The following NNT variants were observed in gnomAD, a reference collection of about 807,000 sequenced individuals.
NNT encodes nicotinamide nucleotide transhydrogenase.
A neutral mutation model predicts 104.8 loss-of-function variants in NNT; 50 were observed. The ratio of observed to expected loss-of-function variants is 0.48; its 90% CI spans 0.38 to 0.60. The LOEUF (loss-of-function observed/expected upper bound fraction) is 0.60. NNT is among the 20% of genes least tolerant of loss of function. The probability of loss-of-function intolerance (pLI) is 0.00; values close to 1 mark genes in which losing one functional copy is unlikely to be tolerated. For synonymous variants in NNT, 461 were observed against 490.4 expected (o/e 0.94, Z 0.79); for missense variants, 1,131 against 1,330.7 (o/e 0.85, Z 2.33).
At chr5:43,620,216 G>C (rs1218882873) in intron 5 of NNT, among the ~76,000 whole-genome samples, 1 of 151,950 alleles carries the variant, frequency 6.6e-6, no homozygotes, top group Non-Finnish European at 1.5e-5. Flanking sequence ...AGGTTAACTG[G>C]TGCTTCCTGC....
chr5:43,672,847 G>T (rs1022786552), intron 17 of NNT, among the ~76,000 whole-genome samples: 1 of 152,206 alleles, frequency 6.6e-6, no homozygotes, highest in African/African-American at 2.4e-5. Context: ...AGAGGTTTCT[G>T]CTGCCTTTTG....
chr5:43,668,133 A>T (rs1740819077), intron 17 of NNT, among the ~76,000 whole-genome samples: 1 of 151,704 alleles, frequency 6.6e-6, no homozygotes, highest in African/African-American at 2.4e-5. Context: ...TTTTTCTTGT[A>T]AATTTGTTTG....
chr5:43,653,336 G>A (rs1739865779), intron 14 of NNT, 123 bp downstream of exon 14: 2 of 915,562 alleles, frequency 2.2e-6, no homozygotes, highest in Admixed American at 3.0e-5. Flanking sequence ...ATATTATTTT[G>A]GTGAAAATTC....
At chr5:43,670,652 T>G (rs542971039) in intron 17 of NNT, among the ~76,000 whole-genome samples, 1 of 152,214 alleles carries the variant, frequency 6.6e-6, no homozygotes, top group Non-Finnish European at 1.5e-5. Flanking sequence ...AGAGAGAGTT[T>G]GTTATAATTT....
intron 6 of NNT, among the ~76,000 whole-genome samples, chr5:43,627,883 A>G (rs1304526961): frequency 6.6e-6 from 1 of 152,214 alleles, no homozygotes; most frequent in Non-Finnish European, 1.5e-5. Flanking sequence ...TATATGAGGT[A>G]TCACATCATC....
chr5:43,644,772 T>C lies in NNT; in HGVS notation c.1260T>C (p.Gly420=). The C allele has an allele frequency of 6.2e-7, 1 of 1,614,098 alleles. No homozygotes were observed. Among genetic ancestry groups the C allele is most frequent in the Non-Finnish European group, 8.5e-7 (1 of 1,179,938 alleles). ...ATGACTTTGACTTTGGTACGATGGGTCATGTCATTAGAGGAACTGTAGTGA... is the reference window on the plus strand; with the variant it reads ...ATGACTTTGACTTTGGTACGATGGGCCATGTCATTAGAGGAACTGTAGTGA... ...VKDDFDFGTM[G]HVIRGTVVMK... The change falls in exon 9 of 22, where the codon GGT becomes GGC. Residue 420 remains glycine (G), a synonymous_variant. Coordinates refer to ENST00000344920, the MANE Select transcript of NNT (RefSeq NM_182977.3).
chr5:43,680,908 C>T (rs1207720430), intron 19 of NNT, among the ~76,000 whole-genome samples: 1 of 151,948 alleles, frequency 6.6e-6, no homozygotes, highest in Non-Finnish European at 1.5e-5. Flanking sequence ...TGTCTTTTTC[C>T]TTCCCAATTT....
At chr5:43,676,592 G>A (rs1373828548) in intron 18 of NNT, among the ~76,000 whole-genome samples, 4 of 152,180 alleles carry the variant, frequency 2.6e-5, no homozygotes, top group South Asian at 2.1e-4. Context: ...GTACTGTAAC[G>A]TGTGGGACAC....
At chr5:43,679,484 G>A (rs1316792971) in intron 19 of NNT, among the ~76,000 whole-genome samples, 2 of 152,200 alleles carry the variant, frequency 1.3e-5, no homozygotes, top group Admixed American at 1.3e-4. Context: ...TTAAATAGGT[G>A]GATGTGGAGT....
rs1742783366 is a variant in NNT, at chr5:43,700,291, G to T, written c.2995+54G>T. ...AAATATTCTTACTATGAATAAAGCA[G>T]TGCAGGTGTGGGATATGAATTGTAG... On this transcript the variant is annotated intron_variant, in intron 20 of 21. Transcript: ENST00000344920. 8 of 1,279,136 alleles carry T rather than the reference G, an allele frequency of 6.3e-6. No individual in the cohort carries two copies. In the East Asian group the frequency reaches 1.9e-4, roughly 30 times the overall value. 79.2% of individuals were successfully genotyped at this position (1,279,136 alleles called of 1,614,324 possible). A position where few individuals can be genotyped will look rare whatever the true frequency, so the allele number is the denominator to read the frequency against.
At chr5:43,686,998 T>A (rs963319794) in intron 19 of NNT, among the ~76,000 whole-genome samples, 54 of 152,294 alleles carry the variant, frequency 3.5e-4, no homozygotes, top group Non-Finnish European at 2.4e-4. Context: ...ACATAGATAG[T>A]GTATAAATCA....
At chr5:43,657,438 A>C (rs1196948666) in intron 16 of NNT, among the ~76,000 whole-genome samples, 1 of 152,226 alleles carries the variant, frequency 6.6e-6, no homozygotes, top group Non-Finnish European at 1.5e-5. Context: ...TGTTTTATGC[A>C]GCGCTATTTA....
intron 1 of NNT, among the ~76,000 whole-genome samples, chr5:43,606,517 A>G (rs58625064): frequency 1.3e-5 from 2 of 152,234 alleles, no homozygotes; most frequent in African/African-American, 4.8e-5. Flanking sequence ...ATGAAATGAC[A>G]TGATATGTGG....
Position 43,650,382 on chromosome 5 carries a change from C to T in NNT, c.1607-95C>T, listed in dbSNP as rs1739691589. The T allele has an allele frequency of 8.9e-5, 73 of 816,874 alleles. 2 individuals are homozygous for T. The South Asian group carries it at 1.1e-3, about 13-fold the overall frequency. 50.6% of individuals were successfully genotyped at this position (816,874 alleles called of 1,614,324 possible). ...TGTTTTTTAATATTGAGAACTTTACCCTCTATGAATCTATGTATGTGAGGT... is the reference window on the plus strand; with the variant it reads ...TGTTTTTTAATATTGAGAACTTTACTCTCTATGAATCTATGTATGTGAGGT... On this transcript the variant is annotated intron_variant, in intron 11 of 21. Coordinates refer to ENST00000344920, the MANE Select transcript of NNT (RefSeq NM_182977.3).
At chr5:43,614,903 C>T (rs899838237) in intron 3 of NNT, among the ~76,000 whole-genome samples, 36 of 151,468 alleles carry the variant, frequency 2.4e-4, no homozygotes, top group Admixed American at 1.2e-3. Context: ...TTTGGGAGGC[C>T]GAGGCGGGTG....
intron 19 of NNT, 24 bp from the exon 20 acceptor site, chr5:43,700,095 G>C: frequency 3.2e-6 from 5 of 1,581,062 alleles, no homozygotes; most frequent in Non-Finnish European, 4.3e-6. Context: ...AGTAAGGCCA[G>C]CTCTTCATTT....
chr5:43,671,025 T>TA (rs1487117033), intron 17 of NNT, among the ~76,000 whole-genome samples: 3 of 152,362 alleles, frequency 2.0e-5, no homozygotes, highest in East Asian at 1.9e-4. Context: ...TTGATCCCTT[T>TA]ACCATTATGT....
chr5:43,693,385 G>C (rs1742389845), intron 19 of NNT, among the ~76,000 whole-genome samples: 1 of 152,116 alleles, frequency 6.6e-6, no homozygotes, highest in East Asian at 1.9e-4. Flanking sequence ...TATTTAATGA[G>C]CATGCACTTT....
At chr5:43,632,373 AG>A (rs1255482697) in intron 7 of NNT, among the ~76,000 whole-genome samples, 1 of 152,238 alleles carries the variant, frequency 6.6e-6, no homozygotes, top group African/African-American at 2.4e-5. Flanking sequence ...AAGAATGTTG[AG>A]AGGCAGACAC....
Sources: allele counts gnomAD v4.1 joint callset (sites outside exome capture counted in the v4.1 genomes callset), GRCh38; gene constraint gnomAD v4.1.1; transcripts MANE v1.5; gene names NCBI Gene and HGNC (gene_info 2026-07-23, HGNC 2026-07-21).